The following MYO16 variants were observed in gnomAD, a reference collection of about 807,000 sequenced individuals.
MYO16 encodes unconventional myosin-XVI.
MYO16 carries 94 observed loss-of-function variants against 205.3 expected under a neutral mutation model. That is an observed-to-expected ratio of 0.46 (90% confidence interval 0.39 to 0.54). MYO16 has a LOEUF of 0.54. MYO16 is among the 20% of genes least tolerant of loss of function. The probability of loss-of-function intolerance (pLI) is 0.00; values close to 1 mark genes in which losing one functional copy is unlikely to be tolerated. For synonymous variants in MYO16, 988 were observed against 954.0 expected, an observed-to-expected ratio of 1.04 and a Z score of -0.66; for missense variants, 2,315 against 2,387.5, an observed-to-expected ratio of 0.97 and a Z score of 0.63.
intron 17 of MYO16, among the ~76,000 whole-genome samples, chr13:108,958,846 A>G (rs557041048): frequency 1.9e-4 from 29 of 152,282 alleles, no homozygotes; most frequent in African/African-American, 6.7e-4. Context: ...ATTATGGTCA[A>G]TTTACGGCCA....
At position 108,773,367 on chromosome 13, in the gene MYO16, G is replaced by A. The variant is rs142959583; in HGVS notation, c.508-12268G>A. On this transcript the variant is annotated intron_variant, in intron 4 of 34. Transcript: ENST00000457511. Reference sequence around the variant, plus strand: ...CTTCAAACAATAGAAATTTATTCTCGTATAGTTTTGGAGGCTAGAAGTCTG... The same window carrying A: ...CTTCAAACAATAGAAATTTATTCTCATATAGTTTTGGAGGCTAGAAGTCTG... 1.3e-4 allele frequency among the ~76,000 whole-genome samples: 20 copies of A among 152,172 alleles called. No homozygotes were observed. The East Asian group carries it at 1.9e-3, about 15-fold the overall frequency.
intron 11 of MYO16, among the ~76,000 whole-genome samples, chr13:108,856,859 A>G (rs1293105393): frequency 3.3e-5 from 5 of 152,080 alleles, no homozygotes; most frequent in African/African-American, 1.2e-4. Flanking sequence ...TTTCAATCCA[A>G]TCTCACAATG....
chr13:108,817,530 G>A (rs1194636402), intron 7 of MYO16, among the ~76,000 whole-genome samples: 1 of 152,130 alleles, frequency 6.6e-6, no homozygotes, highest in Non-Finnish European at 1.5e-5. Context: ...GTGGGACGGG[G>A]GGAACTGTTG....
chr13:108,832,386 C>T (rs1348733074), intron 9 of MYO16, among the ~76,000 whole-genome samples: 1 of 152,014 alleles, frequency 6.6e-6, no homozygotes, highest in African/African-American at 2.4e-5. Flanking sequence ...AGGTGATCCA[C>T]CCGCCTCAGC....
At chr13:108,942,031 T>G (rs374745454) in intron 16 of MYO16, among the ~76,000 whole-genome samples, 1 of 151,666 alleles carries the variant, frequency 6.6e-6, no homozygotes, top group Non-Finnish European at 1.5e-5. Context: ...TGTGGATTAA[T>G]TGGCACAAAT....
rs565385793 is a variant in MYO16 at position 108,960,684 on chromosome 13, T to A, written c.2038-855T>A. Among the ~76,000 whole-genome samples, 9 of 152,352 alleles carry A rather than the reference T, an allele frequency of 5.9e-5. No individual in the cohort carries two copies. The South Asian group carries it at 1.9e-3, about 32-fold the overall frequency. On this transcript the variant is annotated intron_variant, in intron 17 of 34. Transcript: ENST00000457511. ...TTAGGAGACTGAGAACAGAACAGGC[T>A]ATGCCACTTGCCCTTCACGGGGCTC...
chr13:109,165,065 C>T lies in MYO16; in HGVS notation c.5323+6C>T, dbSNP rs1878583565. On this transcript the variant is annotated splice_donor_region_variant and intron_variant, in intron 33 of 34. Transcript: ENST00000457511. ...TGGAAATTCCATCTCAAATGGTAAG[C>T]ACTTTTTAAACTCAGAAGTAAATGT... 1 of 1,586,982 alleles carries T rather than the reference C, an allele frequency of 6.3e-7. No individual in the cohort carries two copies. The highest frequency in any genetic ancestry group is 8.6e-7 in the Non-Finnish European group (1 of 1,168,440).
intron 4 of MYO16, among the ~76,000 whole-genome samples, chr13:108,770,883 C>T (rs1350492706): frequency 6.6e-6 from 1 of 152,178 alleles, no homozygotes; most frequent in Non-Finnish European, 1.5e-5. Context: ...CCAAAGAACA[C>T]TCTCACTGGT....
At chr13:108,592,233 G>T (rs115202163), upstream of MYO16, among the ~76,000 whole-genome samples, 279 of 100,076 alleles carry the variant, frequency 2.8e-3, 18 homozygotes, top group African/African-American at 0.012. Flanking sequence ...GGGGGGAGCT[G>T]TGTGTGTGGG....
intron 27 of MYO16, among the ~76,000 whole-genome samples, chr13:109,061,586 A>T (rs1887594252): frequency 6.6e-6 from 1 of 152,122 alleles, no homozygotes; most frequent in South Asian, 2.1e-4. Context: ...AACACACATG[A>T]CACGTATTGA....
intron 4 of MYO16, among the ~76,000 whole-genome samples, chr13:108,754,460 G>A (rs1885355671): frequency 1.3e-5 from 2 of 152,108 alleles, no homozygotes; most frequent in South Asian, 4.1e-4. Flanking sequence ...AAACTATATT[G>A]ACATACTGAA....
chr13:108,572,299 G>A, the MYO16 span, among the ~76,000 whole-genome samples: 1 of 151,978 alleles, frequency 6.6e-6, no homozygotes, highest in Non-Finnish European at 1.5e-5. Context: ...TTTTACTAAG[G>A]CCTATTGTCT....
intron 6 of MYO16, among the ~76,000 whole-genome samples, chr13:108,799,604 A>G (rs1038964065): frequency 1.3e-5 from 2 of 152,238 alleles, no homozygotes; most frequent in Non-Finnish European, 2.9e-5. Flanking sequence ...CTAAACTTCA[A>G]TTAAGGAGTC....
At chr13:108,787,760 A>G (rs1322883510) in intron 5 of MYO16, among the ~76,000 whole-genome samples, 2 of 152,350 alleles carry the variant, frequency 1.3e-5, no homozygotes, top group Non-Finnish European at 2.9e-5. Flanking sequence ...TTGCTGGAAC[A>G]AACTCAATTT....
At chr13:108,720,577 G>T (rs1325927070) in intron 3 of MYO16, among the ~76,000 whole-genome samples, 1 of 151,408 alleles carries the variant, frequency 6.6e-6, no homozygotes, top group Non-Finnish European at 1.5e-5. Flanking sequence ...TCAGAGTTTT[G>T]TTGTTGTTGT....
At chr13:108,685,116 G>C (rs1465765632) in intron 2 of MYO16, among the ~76,000 whole-genome samples, 1 of 150,494 alleles carries the variant, frequency 6.6e-6, no homozygotes, top group Non-Finnish European at 1.5e-5. Flanking sequence ...TCCACCTTCC[G>C]GGTTCAAGCC....
chr13:108,929,719 G>A (rs1882164380), intron 16 of MYO16, among the ~76,000 whole-genome samples: 1 of 152,096 alleles, frequency 6.6e-6, no homozygotes, highest in Non-Finnish European at 1.5e-5. Context: ...GGACCCGACT[G>A]CAAAGAGCTA....
chr13:109,053,471 T>C (rs1887315784), intron 25 of MYO16, among the ~76,000 whole-genome samples: 2 of 152,004 alleles, frequency 1.3e-5, no homozygotes, highest in Admixed American at 6.6e-5. Flanking sequence ...CTTATCCTTA[T>C]AAGAAAGATC....
intron 33 of MYO16, among the ~76,000 whole-genome samples, chr13:109,168,164 A>G (rs1225056937): frequency 6.6e-6 from 1 of 152,126 alleles, no homozygotes; most frequent in African/African-American, 2.4e-5. Flanking sequence ...TAGGAAAAAT[A>G]GGGCAAGGAG....
Sources: gnomAD v4.1 joint callset for allele counts (sites outside exome capture counted in the v4.1 genomes callset) on GRCh38, gnomAD v4.1.1 for gene constraint, MANE v1.5 for transcripts, NCBI Gene and HGNC (gene_info 2026-07-23, HGNC 2026-07-21) for gene names.